Variants in BBS9 observed in about 807,000 individuals in gnomAD.
BBS9 encodes Bardet-Biedl syndrome 9, also known as protein PTHB1.
BBS9 carries 89 observed loss-of-function variants against 117.7 expected under a neutral mutation model. The observed-to-expected ratio is 0.76, with a 90% CI of 0.64 to 0.90. The LOEUF is 0.90. Among genes scored for constraint, BBS9 ranks in the 40% least tolerant of loss-of-function variants. BBS9 has a pLI of 0.00. For synonymous variants in BBS9, 379 were observed against 370.9 expected, an observed-to-expected ratio of 1.02 and a Z score of -0.25; for missense variants, 982 against 1,042.2, an observed-to-expected ratio of 0.94 and a Z score of 0.80.
chr7:33,615,553 A>C (rs1585481504), intron 21 of BBS9, among the ~76,000 whole-genome samples: 1 of 152,220 alleles, frequency 6.6e-6, no homozygotes, highest in African/African-American at 2.4e-5. Context: ...CAAAGAAAAA[A>C]AAATACTGGA....
intron 21 of BBS9, among the ~76,000 whole-genome samples, chr7:33,568,955 C>A (rs141290189): frequency 6.6e-6 from 1 of 152,198 alleles, no homozygotes; most frequent in East Asian, 1.9e-4. Context: ...AAGGAGGGTG[C>A]AATTCTTTTC....
chr7:33,308,798 C>T (rs17170176), intron 9 of BBS9, among the ~76,000 whole-genome samples: 27,746 of 152,108 alleles, frequency 0.18, 3,077 homozygotes, highest in East Asian at 0.44. Flanking sequence ...TCAATCCTGA[C>T]GTAGCTTCTA....
chr7:33,616,538 CAT>C (rs1467438529), intron 21 of BBS9, among the ~76,000 whole-genome samples: 2 of 139,740 alleles, frequency 1.4e-5, no homozygotes, highest in Non-Finnish European at 3.1e-5. Flanking sequence ...AGAATGGAAT[CAT>C]ATAAAATACT....
chr7:33,278,957 GGAGA>G (rs1481337780), intron 9 of BBS9, among the ~76,000 whole-genome samples: 1 of 152,188 alleles, frequency 6.6e-6, no homozygotes, highest in Admixed American at 6.5e-5. Context: ...ATACCATGTG[GGAGA>G]GAGAGTTATT....
intron 19 of BBS9, among the ~76,000 whole-genome samples, chr7:33,497,345 G>A (rs1335445313): frequency 6.6e-6 from 1 of 152,084 alleles, no homozygotes; most frequent in Non-Finnish European, 1.5e-5. Flanking sequence ...ATATCTTTAG[G>A]TGGACTGACT....
At chr7:33,156,422 T>G (rs1794099516) in intron 4 of BBS9, among the ~76,000 whole-genome samples, 1 of 152,214 alleles carries the variant, frequency 6.6e-6, no homozygotes. Context: ...AGGCTGTTCC[T>G]TTTACCAGAG....
rs77658276 is a variant in BBS9 at position 33,357,753 on chromosome 7, G to A, written c.1553-102G>A. The A allele has an allele frequency of 0.02, 25,823 of 1,273,060 alleles. 465 individuals are homozygous for A. The highest frequency in any genetic ancestry group is 0.079 in the African/African-American group (5,399 of 68,160). 78.9% of individuals were successfully genotyped at this position (1,273,060 alleles called of 1,614,324 possible). On this transcript the variant is annotated intron_variant, in intron 15 of 22. Transcript: ENST00000242067. ...GTTAAGCAAAATAGGCAGGCAACAA[G>A]CAAACCAAGATATATTGCTGCTCAA...
chr7:33,138,962 G>A (rs1284822177), intron 1 of BBS9, among the ~76,000 whole-genome samples: 2 of 151,254 alleles, frequency 1.3e-5, no homozygotes, highest in Non-Finnish European at 2.9e-5. Flanking sequence ...AGAAGTTAAT[G>A]AGAAATGAGG....
At chr7:33,360,970 A>G (rs768694675) in intron 16 of BBS9, among the ~76,000 whole-genome samples, 47 of 152,198 alleles carry the variant, frequency 3.1e-4, no homozygotes, top group African/African-American at 1.1e-3. Flanking sequence ...TTCCACGACA[A>G]TAAGATATTT....
intron 21 of BBS9, among the ~76,000 whole-genome samples, chr7:33,619,569 G>A (rs1028169818): frequency 1.3e-5 from 2 of 152,054 alleles, no homozygotes; most frequent in Admixed American, 6.6e-5. Context: ...ATTTTTGAAT[G>A]CACATGGAAC....
intron 9 of BBS9, among the ~76,000 whole-genome samples, chr7:33,299,992 G>T (rs1282718362): frequency 1.3e-5 from 2 of 152,182 alleles, no homozygotes; most frequent in African/African-American, 2.4e-5. Context: ...GAGTAGAAAT[G>T]AACAAAGAGA....
At chr7:33,180,572 G>T (rs542376538) in intron 5 of BBS9, among the ~76,000 whole-genome samples, 45 of 152,202 alleles carry the variant, frequency 3.0e-4, no homozygotes, top group Admixed American at 2.7e-3. Context: ...GGCCAGGATG[G>T]TCTCTATCTC....
In BBS9 at chr7:33,562,653, C is replaced by T. The variant is rs374356560; in HGVS notation, c.2521+28477C>T. On this transcript the variant is annotated intron_variant, in intron 21 of 22. Transcript: ENST00000242067. ...TAGAAAAGGGAAAGGAGGCTGGGCG[C>T]GGTGGCTCATGCCTATAATCCCAGC... 4.1e-4 allele frequency among the ~76,000 whole-genome samples: 63 copies of T among 152,258 alleles called. No individual in the cohort carries two copies. In the South Asian group the frequency reaches 5.2e-3, roughly 13 times the overall value.
At chr7:33,471,121 G>T (rs6957459) in intron 19 of BBS9, among the ~76,000 whole-genome samples, 117,616 of 151,370 alleles carry the variant, frequency 0.78, 46,506 homozygotes, top group African/African-American at 0.93. Context: ...GGTAACTCTT[G>T]GTTGTTCCAG....
At chr7:33,180,392 C>T (rs560741400) in intron 5 of BBS9, among the ~76,000 whole-genome samples, 289 of 148,504 alleles carry the variant, frequency 1.9e-3, no homozygotes, top group Admixed American at 4.5e-3. Flanking sequence ...GATGGAGTCT[C>T]GCTCTGTCAT....
At chr7:33,134,991 C>G (rs1008490300) in intron 1 of BBS9, among the ~76,000 whole-genome samples, 1 of 152,106 alleles carries the variant, frequency 6.6e-6, no homozygotes, top group Non-Finnish European at 1.5e-5. Context: ...CTTCCAGTGT[C>G]AAGCAATTCT....
At chr7:33,532,491 C>T (rs77257857) in intron 20 of BBS9, among the ~76,000 whole-genome samples, 2 of 152,138 alleles carry the variant, frequency 1.3e-5, no homozygotes, top group Admixed American at 6.5e-5. Context: ...CAGAAGGAAC[C>T]TCTTCACAGG....
intron 21 of BBS9, among the ~76,000 whole-genome samples, chr7:33,600,640 A>T (rs1308582379): frequency 6.6e-6 from 1 of 152,122 alleles, no homozygotes; most frequent in Non-Finnish European, 1.5e-5. Flanking sequence ...CCCTTGCCAC[A>T]CCCCACTGCA....
chr7:33,184,886 T>C (rs774632350), intron 5 of BBS9, among the ~76,000 whole-genome samples: 1 of 152,170 alleles, frequency 6.6e-6, no homozygotes, highest in African/African-American at 2.4e-5. Flanking sequence ...GGGCTGCTGA[T>C]TGGCTATTTT....
Sources: gnomAD v4.1 joint callset for allele counts (sites outside exome capture counted in the v4.1 genomes callset) on GRCh38, gnomAD v4.1.1 for gene constraint, MANE v1.5 for transcripts, NCBI Gene and HGNC (gene_info 2026-07-23, HGNC 2026-07-21) for gene names.